Variants in KIF1A observed in about 807,000 individuals in gnomAD.
KIF1A encodes kinesin-like protein KIF1A.
Under a neutral mutation model 227.3 loss-of-function variants are expected in KIF1A, and 46 were observed. The observed-to-expected ratio is 0.20, with a 90% CI of 0.16 to 0.26. KIF1A has a LOEUF of 0.26. Ranked by LOEUF, KIF1A falls within the 10% of genes least tolerant of loss-of-function variation. KIF1A has a pLI of 1.00. For synonymous variants in KIF1A, 1,022 were observed against 1,012.8 expected, an observed-to-expected ratio of 1.01 and a Z score of -0.17; for missense variants, 1,683 against 2,485.9, an observed-to-expected ratio of 0.68 and a Z score of 6.87.
chr2:240,743,455 G>C (rs1011794809), intron 33 of KIF1A, among the ~76,000 whole-genome samples: 7 of 152,206 alleles, frequency 4.6e-5, no homozygotes, highest in East Asian at 1.9e-4. Flanking sequence ...ACCTTCAAGG[G>C]TCTGGGTGAG....
Position 240,740,359 on chromosome 2 carries a change from A to C in KIF1A, c.3755T>G (p.Ile1252Ser). 1 of 1,613,630 alleles carries C rather than the reference A, an allele frequency of 6.2e-7. No individual in the cohort carries two copies. The highest frequency in any genetic ancestry group is 8.5e-7 in the Non-Finnish European group (1 of 1,179,670). The change falls in exon 36 of 49, where the codon ATC becomes AGC. Residue 1252 changes from isoleucine to serine, a missense_variant. Physicochemically the swap from Ile to Ser is moderately radical, Grantham distance 142 (BLOSUM62 -2). This residue lies in a region of KIF1A where 759 missense variants were observed against 1,020.2 expected (regional missense o/e 0.74). Transcript: ENST00000498729. This position sits in a 1 kb window ranked among gnomAD's most constrained non-coding sequence, Gnocchi z 6.1. The part of the protein sequence containing the change: ...ICELEANGDY[I>S]PAVVDHRGGM... ...CCCACGGTGGTCCACCACGGCCGGG[A>C]TGTAACTGGAAGAGAGAGACACATG...
intron 38 of KIF1A, chr2:240,734,733 A>T: frequency 7.7e-7 from 1 of 1,304,706 alleles, no homozygotes; most frequent in Non-Finnish European, 1.0e-6. Flanking sequence ...GTATGTCCGA[A>T]TCAAGAAACT....
chr2:240,749,323 G>T (rs2125817698), intron 28 of KIF1A, among the ~76,000 whole-genome samples: 1 of 152,230 alleles, frequency 6.6e-6, no homozygotes, highest in South Asian at 2.1e-4. Context: ...CGGAGTTGGG[G>T]GACTTGCCAT....
chr2:240,743,313 C>T (rs1207222983), intron 33 of KIF1A, among the ~76,000 whole-genome samples: 1 of 152,210 alleles, frequency 6.6e-6, no homozygotes, highest in African/African-American at 2.4e-5. Flanking sequence ...CCCCTGAGCT[C>T]CCAGTCCTGC....
In KIF1A at chr2:240,716,940, T is replaced by C. The variant is rs1300176362; in HGVS notation, c.*424A>G. ...GTGGTTGGGGGTTCCATCTGAATATTACAGGGCTATGTGGAGGCATTAGAA... is the reference window on the plus strand; with the variant it reads ...GTGGTTGGGGGTTCCATCTGAATATCACAGGGCTATGTGGAGGCATTAGAA... On this transcript the variant is annotated 3_prime_UTR_variant, in exon 49 of 49. Coordinates refer to ENST00000498729, the MANE Select transcript of KIF1A (RefSeq NM_001244008.2). 1 of 159,206 alleles carries C rather than the reference T, an allele frequency of 6.3e-6. No homozygotes were observed. The highest frequency in any genetic ancestry group is 1.4e-5 in the Non-Finnish European group (1 of 72,612). The allele number at this position is 159,206 out of a possible 1,614,324, so 9.9% of individuals were successfully genotyped here. A position where few individuals can be genotyped will look rare whatever the true frequency, so the allele number is the denominator to read the frequency against.
At chr2:240,734,661 G>T in intron 38 of KIF1A, 1 of 1,262,204 alleles carries the variant, frequency 7.9e-7, no homozygotes. Flanking sequence ...GGGAGGAGCA[G>T]GGAGGAAAGA....
rs2053123006 is a variant in KIF1A, at chr2:240,778,777, C to G, written c.883-2851G>C. Among the ~76,000 whole-genome samples, 1 of 151,902 alleles carries G rather than the reference C, an allele frequency of 6.6e-6. No homozygotes were observed. The highest frequency in any genetic ancestry group is 6.6e-5 in the Admixed American group (1 of 15,256). ...TTTCCTCACGATTCTGCGCACCGTT[C>G]CACACACGGTTCCTCACCGCTCCCC... On this transcript the variant is annotated intron_variant, in intron 10 of 48. Coordinates refer to ENST00000498729, the MANE Select transcript of KIF1A (RefSeq NM_001244008.2). The surrounding 1 kb of genome is among the most constrained non-coding windows in gnomAD (Gnocchi z 7.2).
In KIF1A at chr2:240,718,056, G is replaced by A. The variant is rs999293659; in HGVS notation, c.5327C>T (p.Thr1776Ile). Residue 1776 changes from threonine (T) to isoleucine (I), a missense_variant, in exon 48 of 49, where the codon ACC becomes ATC. Coordinates refer to ENST00000498729, the MANE Select transcript of KIF1A (RefSeq NM_001244008.2). The stretch of plus-strand genomic sequence containing the variant: ...GCCCTGCAGGCGGCCCTACCGTATG[G>A]TCCCGGCCAGGAGGGGGTTGAAGGC... ...LYAFNPLLAG[T>I]IRSKLSRRRS... 6.2e-7 allele frequency: 1 copy of A among 1,606,336 alleles called. No individual in the cohort carries two copies. Among genetic ancestry groups the A allele is most frequent in the African/African-American group, 1.3e-5 (1 of 74,836 alleles).
Position 240,766,745 on chromosome 2 carries a change from T to TCACACACACA in KIF1A, c.1684+169_1684+170insTGTGTGTGTG, listed in dbSNP as rs1263248431. Among the ~76,000 whole-genome samples, 399 of 127,026 alleles carry TCACACACACA rather than the reference T, an allele frequency of 3.1e-3. 4 individuals are homozygous for TCACACACACA. The highest frequency in any genetic ancestry group is 8.1e-3 in the Admixed American group (105 of 12,894). The allele number at this position is 127,026 out of a possible 152,430, so 83.3% of individuals were successfully genotyped here. Reference sequence around the variant, plus strand: ...AAATCTCTCTCTCTCTCTCTCTCTCTCTCTCACACACACACACACACACAC... The same window carrying TCACACACACA: ...AAATCTCTCTCTCTCTCTCTCTCTCTCACACACACACTCTCACACACACACACACACACAC... On this transcript the variant is annotated intron_variant, in intron 19 of 48. Coordinates refer to ENST00000498729, the MANE Select transcript of KIF1A (RefSeq NM_001244008.2). This position sits in a 1 kb window ranked among gnomAD's most constrained non-coding sequence, Gnocchi z 5.0.
At chr2:240,777,846 G>A (rs1027770942) in intron 10 of KIF1A, among the ~76,000 whole-genome samples, 7 of 152,102 alleles carry the variant, frequency 4.6e-5, no homozygotes, top group Middle Eastern at 3.2e-3. Context: ...AAACCCTCTC[G>A]CGCGGCTCCT....
At chr2:240,717,829 C>T (rs1019412361) in intron 48 of KIF1A, among the ~76,000 whole-genome samples, 3 of 152,264 alleles carry the variant, frequency 2.0e-5, no homozygotes, top group African/African-American at 4.8e-5. Flanking sequence ...TTCCACTGGC[C>T]GCACTGCTTC....
intron 5 of KIF1A, among the ~76,000 whole-genome samples, chr2:240,786,796 G>GAGTGAGAGGGTA (rs1559530195): frequency 5.2e-5 from 3 of 58,196 alleles, no homozygotes; most frequent in Admixed American, 3.2e-4. Context: ...GTGAGGGGGT[G>GAGTGAGAGGGTA]GGGGCTGCCA....
At position 240,746,082 on chromosome 2, in the gene KIF1A, G is replaced by A. The variant is rs761993869; in HGVS notation, c.3159C>T (p.Asp1053=). Residue 1053 remains aspartate (D), a synonymous_variant, in exon 30 of 49, where the codon GAC becomes GAT. Transcript: ENST00000498729. ...TGACTTCATCGGCTGAGGGCCCCAC[G>A]TCTGCACCCTGGCCCTGGCCCTCCA... The part of the protein sequence containing the change: ...RIVEGQGQGA[D]VGPSADEVNN... 1.3e-5 allele frequency: 20 copies of A among 1,598,514 alleles called. No homozygotes were observed. The highest frequency in any genetic ancestry group is 2.3e-5 in the South Asian group (2 of 88,328).
chr2:240,769,270 C>T, intron 16 of KIF1A, 62 bp from the exon 17 acceptor site: 1 of 1,459,620 alleles, frequency 6.9e-7, no homozygotes, highest in Non-Finnish European at 9.4e-7. Context: ...GGCCTCAGCC[C>T]TGGCTGACCA....
rs186087082 is a variant in KIF1A, at chr2:240,788,269, G to A, written c.184-39C>T. Reference sequence around the variant, plus strand: ...AAGGAATGAAGTTGCAGGAGGCTGGGTGCATCCGAGGCTCAGCCCATCATG... The same window carrying A: ...AAGGAATGAAGTTGCAGGAGGCTGGATGCATCCGAGGCTCAGCCCATCATG... On this transcript the variant is annotated intron_variant, in intron 3 of 48. Transcript: ENST00000498729. The surrounding 1 kb of genome is among the most constrained non-coding windows in gnomAD (Gnocchi z 6.6). 7 of 1,595,656 alleles carry A rather than the reference G, an allele frequency of 4.4e-6. No individual in the cohort carries two copies. The East Asian group carries it at 1.6e-4, about 36-fold the overall frequency.
chr2:240,718,612 C>T (rs4676377), intron 47 of KIF1A, among the ~76,000 whole-genome samples: 119,744 of 152,248 alleles, frequency 0.79, 47,344 homozygotes, highest in East Asian at 1. Context: ...CCATTCCAGA[C>T]GGAGGGGCTG....
intron 10 of KIF1A, among the ~76,000 whole-genome samples, chr2:240,777,549 C>A (rs541125037): frequency 6.6e-6 from 1 of 152,296 alleles, no homozygotes; most frequent in East Asian, 1.9e-4. Flanking sequence ...CCGTCTAGGC[C>A]CCCCAGCCTC....
At chr2:240,723,652 C>G in intron 41 of KIF1A, 94 bp from the exon 42 acceptor site, 2 of 1,371,470 alleles carry the variant, frequency 1.5e-6, no homozygotes, top group Non-Finnish European at 2.0e-6. Context: ...AGCTGTCTCC[C>G]CTCTGGAGTG....
chr2:240,791,079 C>T (rs13382301), intron 2 of KIF1A, among the ~76,000 whole-genome samples: 4,417 of 152,132 alleles, frequency 0.029, 208 homozygotes, highest in African/African-American at 0.1. Context: ...CACCCAGGCA[C>T]CCCGGGCAGC....
Sources: gnomAD v4.1 joint callset for allele counts (sites outside exome capture counted in the v4.1 genomes callset) on GRCh38, gnomAD v4.1.1 for gene constraint, gnomAD v4.1.1 regional missense constraint, Gnocchi (gnomAD v3.1) non-coding constraint, MANE v1.5 for transcripts, NCBI Gene and HGNC (gene_info 2026-07-23, HGNC 2026-07-21) for gene names.